ALDH1L1: variants seen among roughly 807,000 people sequenced by gnomAD.
The protein encoded by ALDH1L1 is aldehyde dehydrogenase 1 family member L1, also known as cytosolic 10-formyltetrahydrofolate dehydrogenase.
A neutral mutation model predicts 101.1 loss-of-function variants in ALDH1L1; 68 were observed. The ratio of observed to expected loss-of-function variants is 0.67; its 90% CI spans 0.55 to 0.82. The LOEUF (loss-of-function observed/expected upper bound fraction) is 0.82. ALDH1L1 is among the 40% of genes least tolerant of loss of function. The pLI is 0.00. For missense variants in ALDH1L1, 1,087 were observed against 1,172.7 expected (o/e 0.93, Z 1.07); for synonymous variants, 486 against 470.8 (o/e 1.03, Z -0.42).
intron 4 of ALDH1L1, 24 bp from the exon 5 acceptor site, chr3:126,155,527 A>G: frequency 6.3e-7 from 1 of 1,595,686 alleles, no homozygotes. Flanking sequence ...GTGGGTTGCT[A>G]TCCCCAGCAA....
chr3:126,115,732 G>A (rs1162428301), intron 17 of ALDH1L1, among the ~76,000 whole-genome samples: 1 of 150,484 alleles, frequency 6.6e-6, no homozygotes, highest in Admixed American at 6.6e-5. Flanking sequence ...GTGCCACCAC[G>A]CCCGGCTAAT....
intron 22 of ALDH1L1, 187 bp downstream of exon 22, chr3:126,105,539 C>A (rs10934744): frequency 0.34 from 238,383 of 692,258 alleles, 42,388 homozygotes; most frequent in Middle Eastern, 0.42. Context: ...CCAGCACGAC[C>A]CCCCTCTGCA....
chr3:126,173,837 G>A (rs561434652), intron 1 of ALDH1L1, among the ~76,000 whole-genome samples: 7 of 152,264 alleles, frequency 4.6e-5, no homozygotes, highest in African/African-American at 1.7e-4. Flanking sequence ...TTCAGAGAAA[G>A]GAAAATTATT....
rs2276728 is a variant in ALDH1L1, at chr3:126,107,377, C to T, written c.2348-131G>A. 9.4e-4 allele frequency: 653 copies of T among 692,594 alleles called. 3 individuals are homozygous for T. In the East Asian group the frequency reaches 0.011, roughly 12 times the overall value. The allele number at this position is 692,594 out of a possible 1,614,324, so 42.9% of individuals were successfully genotyped here. A position where few individuals can be genotyped will look rare whatever the true frequency, so the allele number is the denominator to read the frequency against. Reference sequence around the variant, plus strand: ...GACATAAGCACCGGGTCACGGCACCCGTGTGATGGGTGTCACCACGCTGCA... The same window carrying T: ...GACATAAGCACCGGGTCACGGCACCTGTGTGATGGGTGTCACCACGCTGCA... On this transcript the variant is annotated intron_variant, in intron 20 of 22. Coordinates refer to ENST00000393434, the MANE Select transcript of ALDH1L1 (RefSeq NM_012190.4).
At chr3:126,129,535 TC>T (rs949647949) in intron 14 of ALDH1L1, 3 of 152,402 alleles carry the variant, frequency 2.0e-5, no homozygotes, top group African/African-American at 7.2e-5. Flanking sequence ...TCAGTGCAGA[TC>T]ATGGATCAGG....
chr3:126,118,180 T>C, intron 16 of ALDH1L1, 82 bp from the exon 17 acceptor site: 3 of 1,131,784 alleles, frequency 2.7e-6, no homozygotes, highest in Non-Finnish European at 3.9e-6. Context: ...ACTGCACAGG[T>C]TCACTGGGGG....
At chr3:126,117,815 C>T (rs978949658) in intron 17 of ALDH1L1, among the ~76,000 whole-genome samples, 190 bp downstream of exon 17, 10 of 152,210 alleles carry the variant, frequency 6.6e-5, no homozygotes, top group East Asian at 1.9e-4. Flanking sequence ...CACAGGTCTC[C>T]GCCCAGGCCT....
chr3:126,136,664 G>A, intron 11 of ALDH1L1, 100 bp downstream of exon 11: 3 of 1,504,024 alleles, frequency 2.0e-6, no homozygotes, highest in Non-Finnish European at 2.7e-6. Context: ...TGTCCAAGCA[G>A]AGACTCTCAG....
At chr3:126,186,066 C>G (rs1330748257), upstream of ALDH1L1, among the ~76,000 whole-genome samples, 5 of 152,024 alleles carry the variant, frequency 3.3e-5, no homozygotes, top group African/African-American at 4.8e-5. Flanking sequence ...TTAATGGGGA[C>G]AGAGTTTCAG....
intron 12 of ALDH1L1, among the ~76,000 whole-genome samples, chr3:126,134,355 A>G (rs904019197): frequency 6.6e-6 from 1 of 152,060 alleles, no homozygotes; most frequent in African/African-American, 2.4e-5. Flanking sequence ...CAAGGGAGGG[A>G]CCCCACGCAC....
chr3:126,137,132 C>A lies in ALDH1L1; in HGVS notation c.1225-249G>T, dbSNP rs6772231. Among the ~76,000 whole-genome samples the A allele has an allele frequency of 0.21, 32,480 of 151,998 alleles. 4,088 individuals carry two copies. The highest frequency in any genetic ancestry group is 0.35 in the African/African-American group (14,662 of 41,354). On this transcript the variant is annotated intron_variant, in intron 10 of 22. Transcript: ENST00000393434. ...GGCTCCTCAGCCTCCTTAGGGTGGGCTAAGAGGACTCAGACAGAGGAAAAT... is the reference window on the plus strand; with the variant it reads ...GGCTCCTCAGCCTCCTTAGGGTGGGATAAGAGGACTCAGACAGAGGAAAAT...
At chr3:126,107,569 G>A (rs762240355) in intron 20 of ALDH1L1, among the ~76,000 whole-genome samples, 1 of 152,380 alleles carries the variant, frequency 6.6e-6, no homozygotes. Context: ...AAAGACTTGA[G>A]CTTTTCTGGT....
chr3:126,179,956 T>G (rs1248798544), intron 1 of ALDH1L1: 1 of 152,146 alleles, frequency 6.6e-6, no homozygotes, highest in South Asian at 2.1e-4. Context: ...CCCTGAGCGC[T>G]CACGTCGACC....
chr3:126,168,230 CT>C (rs1166796322), intron 1 of ALDH1L1, among the ~76,000 whole-genome samples: 1 of 152,086 alleles, frequency 6.6e-6, no homozygotes, highest in African/African-American at 2.4e-5. Flanking sequence ...GTATTATATG[CT>C]TTTTTTCTGT....
chr3:126,193,576 G>C (rs2081565573), intron 1 of ALDH1L1, among the ~76,000 whole-genome samples: 1 of 152,168 alleles, frequency 6.6e-6, no homozygotes, highest in South Asian at 2.1e-4. Context: ...AAAGCTTACA[G>C]TGTCCTCATG....
rs571279421 is a variant in ALDH1L1, at chr3:126,171,393, CAA to C, written c.-24+9081_-24+9082del. Among the ~76,000 whole-genome samples, 379 of 152,182 alleles carry C rather than the reference CAA, an allele frequency of 2.5e-3. 2 individuals carry two copies. Among genetic ancestry groups the C allele is most frequent in the Non-Finnish European group, 3.9e-3 (266 of 67,974 alleles). ...AACTCTCCCTCCCAGATAAGCACAA[CAA>C]AGAGACACAGAAGCAGTCCAAGCCT... On this transcript the variant is annotated intron_variant, in intron 1 of 22. Coordinates refer to ENST00000393434, the MANE Select transcript of ALDH1L1 (RefSeq NM_012190.4).
At chr3:126,107,293 G>A (rs372462133) in intron 20 of ALDH1L1, 47 bp from the exon 21 acceptor site, 68 of 1,494,024 alleles carry the variant, frequency 4.6e-5, no homozygotes, top group Admixed American at 6.7e-5. Context: ...CACGGTGCCC[G>A]ATGGTCCAGC....
intron 4 of ALDH1L1, 76 bp downstream of exon 4, chr3:126,157,267 G>C: frequency 6.7e-7 from 1 of 1,491,080 alleles, no homozygotes. Context: ...GCCTCCAGGA[G>C]CGGTGGGCTG....
At position 126,196,556 on chromosome 3, in the gene ALDH1L1, G is replaced by A. The variant is rs573544703; in HGVS notation, c.-24+1179C>T. Among the ~76,000 whole-genome samples the A allele has an allele frequency of 2.6e-5, 4 of 152,214 alleles. No homozygotes were observed. In the East Asian group the frequency reaches 7.7e-4, roughly 29 times the overall value. On this transcript the variant is annotated intron_variant, in intron 1 of 2. Transcript: ENST00000509952. Reference sequence around the variant, plus strand: ...TACCTGACTTTAGCCAGGCCAAATGGCCAATATTTCTGGCTTCTGAACTTT... The same window carrying A: ...TACCTGACTTTAGCCAGGCCAAATGACCAATATTTCTGGCTTCTGAACTTT...
Sources: allele counts gnomAD v4.1 joint callset (sites outside exome capture counted in the v4.1 genomes callset), GRCh38; gene constraint gnomAD v4.1.1; transcripts MANE v1.5; gene names NCBI Gene and HGNC (gene_info 2026-07-23, HGNC 2026-07-21).